The following PTPRD variants were observed in gnomAD, a reference collection of about 807,000 sequenced individuals.
The protein encoded by PTPRD is receptor-type tyrosine-protein phosphatase delta.
In PTPRD, 34 loss-of-function variants were observed where a neutral mutation model predicts 214.5. The observed-to-expected ratio is 0.16, with a 90% CI of 0.12 to 0.21. PTPRD has a LOEUF of 0.21. PTPRD is among the 10% of genes least tolerant of loss of function. The probability of loss-of-function intolerance (pLI) is 1.00; values close to 1 mark genes in which losing one functional copy is unlikely to be tolerated. For synonymous variants in PTPRD, 1,128 were observed against 845.7 expected, an observed-to-expected ratio of 1.33 and a Z score of -5.79; for missense variants, 2,545 against 2,398.7, an observed-to-expected ratio of 1.06 and a Z score of -1.27.
chr9:9,691,313 C>A (rs2097265980), intron 7 of PTPRD, among the ~76,000 whole-genome samples: 1 of 151,932 alleles, frequency 6.6e-6, no homozygotes, highest in African/African-American at 2.4e-5. Context: ...CTTTTGAAAC[C>A]ATCCTTATAT....
At chr9:9,492,296 T>G (rs2095946519) in intron 8 of PTPRD, among the ~76,000 whole-genome samples, 1 of 148,000 alleles carries the variant, frequency 6.8e-6, no homozygotes, top group Non-Finnish European at 1.5e-5. Flanking sequence ...ACCCTGGACC[T>G]GATGGACTCA....
At chr9:10,484,336 T>C (rs1232497282) in intron 2 of PTPRD, among the ~76,000 whole-genome samples, 1 of 152,066 alleles carries the variant, frequency 6.6e-6, no homozygotes, top group Non-Finnish European at 1.5e-5. Flanking sequence ...ACCTATTGTG[T>C]TACAACATAT....
intron 30 of PTPRD, among the ~76,000 whole-genome samples, chr9:8,475,634 T>C (rs1565114816): frequency 6.6e-6 from 1 of 152,202 alleles, no homozygotes; most frequent in Non-Finnish European, 1.5e-5. Flanking sequence ...AGAAATAATA[T>C]GCCTTTCAAA....
chr9:9,280,675 A>T (rs367997441), intron 9 of PTPRD, among the ~76,000 whole-genome samples: 10 of 151,378 alleles, frequency 6.6e-5, no homozygotes, highest in African/African-American at 2.4e-4. Context: ...GAATAAGAAG[A>T]CTCATTAATG....
At chr9:8,834,438 T>G (rs1314347211) in intron 11 of PTPRD, among the ~76,000 whole-genome samples, 1 of 152,168 alleles carries the variant, frequency 6.6e-6, no homozygotes, top group Non-Finnish European at 1.5e-5. Flanking sequence ...CCTGTTTTTG[T>G]TTATTTCATA....
At chr9:10,000,816 C>T (rs1033309490) in intron 4 of PTPRD, among the ~76,000 whole-genome samples, 1 of 152,172 alleles carries the variant, frequency 6.6e-6, no homozygotes, top group East Asian at 1.9e-4. Context: ...GTGTGCCAGG[C>T]ATCATGGCCA....
At chr9:8,513,512 C>G (rs1454395494) in intron 21 of PTPRD, among the ~76,000 whole-genome samples, 1 of 152,152 alleles carries the variant, frequency 6.6e-6, no homozygotes, top group Middle Eastern at 3.4e-3. Flanking sequence ...CTTTTAGACA[C>G]AGAAGACATC....
intron 5 of PTPRD, among the ~76,000 whole-genome samples, chr9:9,815,088 A>G (rs12341350): frequency 0.016 from 2,374 of 152,264 alleles, 48 homozygotes; most frequent in African/African-American, 0.053. Flanking sequence ...TTGATGCACT[A>G]CATTTCCTGA....
intron 10 of PTPRD, among the ~76,000 whole-genome samples, chr9:9,157,933 A>T (rs1374951002): frequency 1.3e-5 from 2 of 152,074 alleles, no homozygotes; most frequent in Non-Finnish European, 2.9e-5. Flanking sequence ...ATGTGTTCTC[A>T]TCAGTCAGCT....
intron 2 of PTPRD, among the ~76,000 whole-genome samples, chr9:10,487,523 T>TA (rs2099140412): frequency 6.6e-6 from 1 of 152,220 alleles, no homozygotes; most frequent in South Asian, 2.1e-4. Flanking sequence ...TAATATCTTA[T>TA]AACCCATTAT....
At chr9:10,159,950 C>G (rs2099117501) in intron 3 of PTPRD, among the ~76,000 whole-genome samples, 2 of 151,872 alleles carry the variant, frequency 1.3e-5, no homozygotes, top group African/African-American at 4.8e-5. Context: ...CCTTCATTCA[C>G]AAAAACAATA....
chr9:8,478,634 C>G (rs2096816946), intron 30 of PTPRD, among the ~76,000 whole-genome samples: 2 of 152,180 alleles, frequency 1.3e-5, no homozygotes, highest in South Asian at 4.1e-4. Flanking sequence ...CTAGATCTGA[C>G]TGGCATTCTG....
At chr9:9,514,681 A>G (rs2096791712) in intron 8 of PTPRD, among the ~76,000 whole-genome samples, 1 of 152,098 alleles carries the variant, frequency 6.6e-6, no homozygotes. Flanking sequence ...TTTTCAACTG[A>G]CATCCTAAGT....
chr9:9,618,550 T>C (rs2095044829), intron 7 of PTPRD, among the ~76,000 whole-genome samples: 1 of 151,998 alleles, frequency 6.6e-6, no homozygotes. Context: ...CTGATCTTGA[T>C]GTGGAAAGGG....
At chr9:9,375,139 T>G (rs1399954053) in intron 9 of PTPRD, among the ~76,000 whole-genome samples, 2 of 152,160 alleles carry the variant, frequency 1.3e-5, no homozygotes, top group Non-Finnish European at 1.5e-5. Flanking sequence ...GAAAGAAACA[T>G]TTTTGTTAAT....
intron 14 of PTPRD, among the ~76,000 whole-genome samples, chr9:8,549,934 T>C (rs1356978316): frequency 6.6e-6 from 1 of 152,170 alleles, no homozygotes; most frequent in Non-Finnish European, 1.5e-5. Context: ...TCCATTCATA[T>C]AGTTCCTGGC....
intron 7 of PTPRD, among the ~76,000 whole-genome samples, chr9:9,627,919 A>C (rs1042620603): frequency 2.6e-5 from 4 of 152,176 alleles, no homozygotes; most frequent in African/African-American, 4.8e-5. Context: ...GAGAGAGGGG[A>C]GTAACCAAAA....
At chr9:10,595,262 A>G (rs946519177) in intron 2 of PTPRD, among the ~76,000 whole-genome samples, 42 of 151,906 alleles carry the variant, frequency 2.8e-4, no homozygotes, top group Non-Finnish European at 7.4e-5. Flanking sequence ...ATTGCTAATT[A>G]AAGAAAATCA....
chr9:10,201,194 T>A (rs1436511668), intron 3 of PTPRD, among the ~76,000 whole-genome samples: 1 of 151,960 alleles, frequency 6.6e-6, no homozygotes, highest in Non-Finnish European at 1.5e-5. Context: ...AAGGAAACCA[T>A]TTCAACATGG....
Sources: gnomAD v4.1 joint callset for allele counts (sites outside exome capture counted in the v4.1 genomes callset) on GRCh38, gnomAD v4.1.1 for gene constraint, MANE v1.5 for transcripts, NCBI Gene and HGNC (gene_info 2026-07-23, HGNC 2026-07-21) for gene names.